Variants in RABL2A observed in about 807,000 individuals in gnomAD.
RABL2A encodes the protein rab-like protein 2A.
A neutral mutation model predicts 30.7 loss-of-function variants in RABL2A; 17 were observed. That is an observed-to-expected ratio of 0.55 (90% confidence interval 0.38 to 0.83). The LOEUF is 0.83. Ranked by LOEUF, RABL2A falls within the 40% of genes least tolerant of loss-of-function variation. RABL2A has a pLI of 0.00. For synonymous variants in RABL2A, 64 were observed against 101.8 expected (o/e 0.63, Z 2.24); for missense variants, 155 against 272.6 (o/e 0.57, Z 3.04).
intron 4 of RABL2A, chr2:113,634,745 C>T: frequency 4.2e-6 from 2 of 470,850 alleles, no homozygotes; most frequent in South Asian, 4.1e-5. Flanking sequence ...CTTAGAGGAC[C>T]CTGCGTGTCA....
chr2:113,636,000 T>C (rs1028471046), intron 5 of RABL2A, among the ~76,000 whole-genome samples: 2 of 151,334 alleles, frequency 1.3e-5, no homozygotes, highest in Admixed American at 6.6e-5. Context: ...CCCAGCTACT[T>C]GGGAGGCTGA....
chr2:113,639,757 G>A (rs2104806995), intron 5 of RABL2A, among the ~76,000 whole-genome samples: 1 of 152,088 alleles, frequency 6.6e-6, no homozygotes, highest in Admixed American at 6.5e-5. Context: ...TGAGGAGGCT[G>A]AGACAAGAGA....
At chr2:113,633,398 A>T (rs907081219) in intron 3 of RABL2A, 4 of 282,984 alleles carry the variant, frequency 1.4e-5, no homozygotes, top group Admixed American at 4.9e-5. Flanking sequence ...GTTATATTAC[A>T]TAGGTTTGGA....
chr2:113,635,311 G>T (rs1274537415), intron 5 of RABL2A, 181 bp downstream of exon 5: 3 of 625,266 alleles, frequency 4.8e-6, no homozygotes, highest in East Asian at 2.8e-5. Context: ...AAGGTGCCAG[G>T]TGAGCTCTCT....
At chr2:113,639,401 T>C (rs6722047) in intron 5 of RABL2A, among the ~76,000 whole-genome samples, 210 of 148,342 alleles carry the variant, frequency 1.4e-3, no homozygotes, top group African/African-American at 4.8e-3. Context: ...GCAGGCAGAT[T>C]ACTGCAGGTC....
At chr2:113,636,957 C>A in intron 5 of RABL2A, among the ~76,000 whole-genome samples, 1 of 150,734 alleles carries the variant, frequency 6.6e-6, no homozygotes, top group East Asian at 2.0e-4. Flanking sequence ...CCACTGCACT[C>A]CAGCCTGGGC....
At chr2:113,641,483 C>T (rs375131687) in intron 7 of RABL2A, 33 bp downstream of exon 7, 60 of 1,610,610 alleles carry the variant, frequency 3.7e-5, no homozygotes, top group Middle Eastern at 1.6e-4. Flanking sequence ...CTAGCAAGGT[C>T]AGGGCGCTAG....
intron 2 of RABL2A, 32 bp from the exon 3 acceptor site, chr2:113,632,883 C>G: frequency 6.2e-7 from 1 of 1,614,152 alleles, no homozygotes; most frequent in Non-Finnish European, 8.5e-7. Context: ...GATGGAGACG[C>G]CATCTGACCA....
intron 4 of RABL2A, 72 bp from the exon 5 acceptor site, chr2:113,634,979 A>T: frequency 6.2e-7 from 1 of 1,601,434 alleles, no homozygotes; most frequent in South Asian, 1.1e-5. Context: ...TTTGTGCCGC[A>T]TGTGTGTTGT....
At position 113,635,835 on chromosome 2, in the gene RABL2A, G is replaced by A. The variant is rs555247276; in HGVS notation, c.297+705G>A. On this transcript the variant is annotated intron_variant, in intron 5 of 8. Transcript: ENST00000683472. ...AAAAAACATTTTCATGGCTGGGCACGGTGGCTCATGCCTGTAATCCCAGCA... is the reference window on the plus strand; with the variant it reads ...AAAAAACATTTTCATGGCTGGGCACAGTGGCTCATGCCTGTAATCCCAGCA... Among the ~76,000 whole-genome samples the A allele has an allele frequency of 5.3e-3, 806 of 151,210 alleles. 7 individuals carry two copies. The highest frequency in any genetic ancestry group is 0.018 in the African/African-American group (745 of 40,858).
intron 6 of RABL2A, 90 bp from the exon 7 acceptor site, chr2:113,641,263 C>T: frequency 6.3e-7 from 1 of 1,588,798 alleles, no homozygotes; most frequent in Non-Finnish European, 8.6e-7. Flanking sequence ...CCTGCCTATC[C>T]CACTTTCTGG....
At chr2:113,637,494 C>T (rs1407658838) in intron 5 of RABL2A, 6 of 1,170,910 alleles carry the variant, frequency 5.1e-6, no homozygotes, top group Non-Finnish European at 5.4e-6. Context: ...CTGGTAGGCA[C>T]AGTACAGATA....
chr2:113,637,535 T>G lies in RABL2A; in HGVS notation c.297+2405T>G, dbSNP rs569311961. 3.0e-4 allele frequency: 366 copies of G among 1,201,798 alleles called. 2 individuals are homozygous for G. The highest frequency in any genetic ancestry group is 1.6e-3 in the East Asian group (27 of 17,146). 74.4% of individuals were successfully genotyped at this position (1,201,798 alleles called of 1,614,324 possible). On this transcript the variant is annotated intron_variant, in intron 5 of 8. Transcript: ENST00000683472. The stretch of plus-strand genomic sequence containing the variant: ...GGTGAGGACAGTGAGGATTCTTCCC[T>G]TCTGACCCTTTGCAGATGGTAAAGG...
rs757620437 is a variant in RABL2A at position 113,635,052 on chromosome 2, C to G, written c.219C>G (p.Asp73Glu). 1 of 1,613,992 alleles carries G rather than the reference C, an allele frequency of 6.2e-7. No homozygotes were observed. The highest frequency in any genetic ancestry group is 1.1e-5 in the South Asian group (1 of 91,030). ...ATVDGKTILVDFWDTAGQERF... is the reference protein window; with the variant it reads ...ATVDGKTILVEFWDTAGQERF... ...GGTCTGTCTGTGTTCACATTGCAGACTTTTGGGACACGGCAGGCCAGGAGC... is the reference window on the plus strand; with the variant it reads ...GGTCTGTCTGTGTTCACATTGCAGAGTTTTGGGACACGGCAGGCCAGGAGC... The change falls in exon 5 of 9, where the codon GAC becomes GAG. Residue 73 changes from aspartate (D) to glutamate (E), a missense_variant and splice_region_variant. By Grantham distance (45) the Asp-to-Glu change is conservative (BLOSUM62 2). This residue lies in a region of RABL2A where 82 missense variants were observed against 103.2 expected (regional missense o/e 0.79). Coordinates refer to ENST00000683472, the MANE Select transcript of RABL2A (RefSeq NM_001306158.2).
rs1685477718 is a variant in RABL2A at position 113,642,262 on chromosome 2, C to T, written c.*133C>T. 7.4e-6 allele frequency: 11 copies of T among 1,482,120 alleles called. No individual in the cohort carries two copies. The highest frequency in any genetic ancestry group is 1.4e-5 in the African/African-American group (1 of 71,290). The allele number at this position is 1,482,120 out of a possible 1,614,324, so 91.8% of individuals were successfully genotyped here. On this transcript the variant is annotated 3_prime_UTR_variant, in exon 9 of 9. Coordinates refer to ENST00000683472, the MANE Select transcript of RABL2A (RefSeq NM_001306158.2). ...TGCAACCCACCCATCCTATTAGCCT[C>T]CCACATTCAAGGCCCGTGATACAGG...
At position 113,640,748 on chromosome 2, in the gene RABL2A, T is replaced by C. The variant is rs1008531625; in HGVS notation, c.298-146T>C. On this transcript the variant is annotated intron_variant, in intron 5 of 8. Transcript: ENST00000683472. ...GGCTTCCCTGAGAAACGGCAGCCTC[T>C]GCGGTCAGAGAGGCTGCAATTCAGA... is the stretch of plus-strand genomic sequence containing the variant. The C allele has an allele frequency of 2.7e-5, 37 of 1,378,560 alleles. No individual in the cohort carries two copies. The African/African-American group carries it at 5.4e-4, about 20-fold the overall frequency. 85.4% of individuals were successfully genotyped at this position (1,378,560 alleles called of 1,614,324 possible).
chr2:113,636,416 A>C (rs969152976), intron 5 of RABL2A, among the ~76,000 whole-genome samples: 1 of 152,252 alleles, frequency 6.6e-6, no homozygotes, highest in African/African-American at 2.4e-5. Flanking sequence ...CTGGACCACC[A>C]GCAGGTTCTA....
At chr2:113,638,361 G>C in intron 5 of RABL2A, 2 of 985,420 alleles carry the variant, frequency 2.0e-6, no homozygotes, top group Non-Finnish European at 2.4e-6. Flanking sequence ...GGGTGATTTA[G>C]AAGTGAGGTC....
rs1396357777 is a variant in RABL2A, at chr2:113,643,179, T to G, written c.*1050T>G. ...CTATTTCAGCATAAAGAGGCTGTCC[T>G]TTTTTTTTAGGAATAGTTTGGACCT... On this transcript the variant is annotated 3_prime_UTR_variant, in exon 9 of 9. Transcript: ENST00000683472. 2.3e-6 allele frequency: 1 copy of G among 442,522 alleles called. No individual in the cohort carries two copies. Among genetic ancestry groups the G allele is most frequent in the Admixed American group, 2.5e-5 (1 of 40,048 alleles). The allele number at this position is 442,522 out of a possible 1,614,324, so 27.4% of individuals were successfully genotyped here.
Sources: gnomAD v4.1 joint callset for allele counts (sites outside exome capture counted in the v4.1 genomes callset) on GRCh38, gnomAD v4.1.1 for gene constraint, gnomAD v4.1.1 regional missense constraint, MANE v1.5 for transcripts, NCBI Gene and HGNC (gene_info 2026-07-23, HGNC 2026-07-21) for gene names.